Variants in PHF19 observed in about 807,000 individuals in gnomAD.
PHF19 encodes PHD finger protein 19.
Under a neutral mutation model 79.8 loss-of-function variants are expected in PHF19, and 21 were observed. The ratio of observed to expected loss-of-function variants is 0.26; its 90% CI spans 0.19 to 0.38. The LOEUF is 0.38. Among genes scored for constraint, PHF19 ranks in the 10% least tolerant of loss-of-function variants. The pLI is 1.00. For synonymous variants in PHF19, 273 were observed against 296.3 expected (o/e 0.92, Z 0.81); for missense variants, 445 against 744.2 (o/e 0.60, Z 4.68).
chr9:120,895,197 G>GTC (rs2046390620), upstream of PHF19, among the ~76,000 whole-genome samples: 1 of 152,144 alleles, frequency 6.6e-6, no homozygotes, highest in Non-Finnish European at 1.5e-5. Flanking sequence ...AAACTCCAGA[G>GTC]GGAGGGGACC....
intron 14 of PHF19, among the ~76,000 whole-genome samples, chr9:120,859,551 G>T (rs574862100): frequency 6.6e-6 from 1 of 152,210 alleles, no homozygotes; most frequent in African/African-American, 2.4e-5. Context: ...TGCCAGACCA[G>T]TTGTACTGGA....
At position 120,860,557 on chromosome 9, in the gene PHF19, A is replaced by C; in HGVS notation, c.1305-372T>G. 3.6e-6 allele frequency: 1 copy of C among 274,110 alleles called. No homozygotes were observed. Among genetic ancestry groups the C allele is most frequent in the South Asian group, 4.1e-5 (1 of 24,276 alleles). 17.0% of individuals were successfully genotyped at this position (274,110 alleles called of 1,614,324 possible). ...GGGATTTAGGTAAAACTACATAGCT[A>C]GTACTGATAAGCAGGGTCTGGAGTT... is the stretch of plus-strand genomic sequence containing the variant. On this transcript the variant is annotated intron_variant, in intron 13 of 14. Coordinates refer to ENST00000373896, the MANE Select transcript of PHF19 (RefSeq NM_015651.3). The surrounding 1 kb of genome is among the most constrained non-coding windows in gnomAD (Gnocchi z 4.1).
Position 120,860,709 on chromosome 9 carries a change from G to A in PHF19, c.1304+380C>T, listed in dbSNP as rs1299778786. Among the ~76,000 whole-genome samples the A allele has an allele frequency of 1.3e-5, 2 of 152,166 alleles. No homozygotes were observed. Among genetic ancestry groups the A allele is most frequent in the African/African-American group, 2.4e-5 (1 of 41,418 alleles). On this transcript the variant is annotated intron_variant, in intron 13 of 14. Transcript: ENST00000373896. This position sits in a 1 kb window ranked among gnomAD's most constrained non-coding sequence, Gnocchi z 4.1. ...GACATACTTAAGCATGGGGTGCTATGGAACTACAAAGGAGGGCGTCCAGCA... is the reference window on the plus strand; with the variant it reads ...GACATACTTAAGCATGGGGTGCTATAGAACTACAAAGGAGGGCGTCCAGCA...
intron 1 of PHF19, among the ~76,000 whole-genome samples, chr9:120,875,437 CAT>C (rs2046019267): frequency 6.6e-6 from 1 of 152,142 alleles, no homozygotes; most frequent in Non-Finnish European, 1.5e-5. Flanking sequence ...TGTCTCTCAC[CAT>C]CCTATTCAAC....
chr9:120,864,330 A>G (rs941608557), intron 9 of PHF19, among the ~76,000 whole-genome samples: 9 of 152,332 alleles, frequency 5.9e-5, no homozygotes, highest in African/African-American at 2.2e-4. Context: ...AACTGTATTG[A>G]GAGCTTTAAA....
At chr9:120,875,845 C>G (rs2131565215) in intron 1 of PHF19, 1 of 153,072 alleles carries the variant, frequency 6.5e-6, no homozygotes, top group East Asian at 1.9e-4. Flanking sequence ...GTGCTCAAAG[C>G]CGTCCCTAAC....
At chr9:120,887,625 CACACACACACACACACACACACACACAG>C (rs932717866) in intron 1 of PHF19, among the ~76,000 whole-genome samples, 9 of 77,080 alleles carry the variant, frequency 1.2e-4, no homozygotes, top group Middle Eastern at 0.01. Flanking sequence ...TGAACAAACA[CACACACACACACACACACACACACACAG>C]ACACACACAC....
upstream of PHF19, among the ~76,000 whole-genome samples, chr9:120,878,612 A>G (rs1051111942): frequency 6.6e-6 from 1 of 151,510 alleles, no homozygotes; most frequent in South Asian, 2.1e-4. Flanking sequence ...CCCCCACCTC[A>G]CCTTCTCAGC....
intron 1 of PHF19, among the ~76,000 whole-genome samples, chr9:120,887,695 A>G (rs1053261987): frequency 1.3e-5 from 2 of 151,416 alleles, no homozygotes; most frequent in Non-Finnish European, 2.9e-5. Flanking sequence ...CTGAATGATG[A>G]TGGTATGCCT....
chr9:120,858,817 A>T (rs867667884), intron 14 of PHF19, among the ~76,000 whole-genome samples: 1 of 141,596 alleles, frequency 7.1e-6, no homozygotes, highest in East Asian at 2.0e-4. Context: ...GACATCACAC[A>T]CACACACACA....
chr9:120,880,032 T>C (rs535984519), upstream of PHF19, among the ~76,000 whole-genome samples: 4 of 152,216 alleles, frequency 2.6e-5, no homozygotes, highest in South Asian at 2.1e-4. Flanking sequence ...TGTCGCACAG[T>C]TGGGACCCTC....
chr9:120,899,296 A>C (rs550639286), upstream of PHF19, among the ~76,000 whole-genome samples: 1 of 152,162 alleles, frequency 6.6e-6, no homozygotes, highest in South Asian at 2.1e-4. Flanking sequence ...CAGGAGATCC[A>C]GACCATCCTG....
intron 9 of PHF19, 103 bp from the exon 10 acceptor site, chr9:120,864,219 C>T: frequency 1.1e-6 from 1 of 951,204 alleles, no homozygotes; most frequent in Admixed American, 2.0e-5. Context: ...CTTCTGAGTC[C>T]TTCAGGTGAG....
In PHF19 at chr9:120,858,168, C is replaced by T. The variant is rs781086045; in HGVS notation, c.1519G>A (p.Ala507Thr). ...RCPSDSSAEG[A>T]SVPERPDEGI... Reference sequence around the variant, plus strand: ...TCGTCTGGCCGCTCGGGGACTGAAGCCCCCTCTGCACTGCTGTCCGAGGGG... The same window carrying T: ...TCGTCTGGCCGCTCGGGGACTGAAGTCCCCTCTGCACTGCTGTCCGAGGGG... The change falls in exon 15 of 15, where the codon GCT (alanine) becomes ACT (threonine). Residue 507 changes from alanine (A) to threonine (T), a missense_variant. This residue lies in a region of PHF19 where 125 missense variants were observed against 180.5 expected (regional missense o/e 0.69). Coordinates refer to ENST00000373896, the MANE Select transcript of PHF19 (RefSeq NM_015651.3). The T allele has an allele frequency of 3.1e-6, 5 of 1,612,540 alleles. No homozygotes were observed. Among genetic ancestry groups the T allele is most frequent in the African/African-American group, 2.7e-5 (2 of 74,920 alleles).
chr9:120,862,453 T>C lies in PHF19; in HGVS notation c.1130+135A>G, dbSNP rs1355366534. On this transcript the variant is annotated intron_variant, in intron 11 of 14. Transcript: ENST00000373896. The surrounding 1 kb of genome is among the most constrained non-coding windows in gnomAD (Gnocchi z 4.6). ...GGAGTTGGGGATCTGGGATCTGGGA[T>C]CCCGCTCAGCCACTATCTAGCCCTC... 11 of 700,262 alleles carry C rather than the reference T, an allele frequency of 1.6e-5. No individual in the cohort carries two copies. Among genetic ancestry groups the C allele is most frequent in the Admixed American group, 5.4e-5 (2 of 36,746 alleles). 43.4% of individuals were successfully genotyped at this position (700,262 alleles called of 1,614,324 possible).
chr9:120,898,475 T>C (rs1364387434), upstream of PHF19, among the ~76,000 whole-genome samples: 2 of 152,252 alleles, frequency 1.3e-5, no homozygotes, highest in Non-Finnish European at 2.9e-5. Flanking sequence ...TGAGGTCTGT[T>C]ATCAGTATTG....
rs1417587270 is a variant in PHF19, at chr9:120,870,037, G to A, written c.365-92C>T. On this transcript the variant is annotated intron_variant, in intron 4 of 14. Coordinates refer to ENST00000373896, the MANE Select transcript of PHF19 (RefSeq NM_015651.3). The surrounding 1 kb of genome is among the most constrained non-coding windows in gnomAD (Gnocchi z 4.4). ...GGAGGCAGGGCTGGGAGGGCTGAGG[G>A]AAGTCCTAGGAGCTCTGCCTGCCAG... 1 of 1,500,768 alleles carries A rather than the reference G, an allele frequency of 6.7e-7. No individual in the cohort carries two copies. Among genetic ancestry groups the A allele is most frequent in the East Asian group, 2.5e-5 (1 of 40,486 alleles). The allele number at this position is 1,500,768 out of a possible 1,614,324, so 93.0% of individuals were successfully genotyped here.
chr9:120,865,652 C>G, intron 9 of PHF19, 58 bp downstream of exon 9: 1 of 1,605,440 alleles, frequency 6.2e-7, no homozygotes, highest in Non-Finnish European at 8.5e-7. Context: ...TCCTGCACTG[C>G]GTGGCCCTGG....
chr9:120,877,352 G>C (rs1196669262), upstream of PHF19: 86 of 981,052 alleles, frequency 8.8e-5, no homozygotes, highest in Non-Finnish European at 1.0e-4. Flanking sequence ...AATTATTGAC[G>C]TCCCGCTTAT....
Sources: allele counts gnomAD v4.1 joint callset (sites outside exome capture counted in the v4.1 genomes callset), GRCh38; gene constraint gnomAD v4.1.1; regional missense constraint gnomAD v4.1.1; non-coding constraint Gnocchi (gnomAD v3.1); transcripts MANE v1.5; gene names NCBI Gene and HGNC (gene_info 2026-07-23, HGNC 2026-07-21).